Variants in CCDC50 observed in about 807,000 individuals in gnomAD.
The protein encoded by CCDC50 is coiled-coil domain containing 50.
A neutral mutation model predicts 70.2 loss-of-function variants in CCDC50; 54 were observed. The observed-to-expected ratio is 0.77, with a 90% CI of 0.62 to 0.96. The LOEUF is 0.96. Ranked by LOEUF, CCDC50 falls within the 50% of genes least tolerant of loss-of-function variation. The pLI is 0.00. For missense variants in CCDC50, 558 were observed against 578.7 expected (o/e 0.96, Z 0.37); for synonymous variants, 216 against 198.8 (o/e 1.09, Z -0.73).
At chr3:191,357,941 T>C in intron 2 of CCDC50, 57 bp from the exon 3 acceptor site, 1 of 1,610,058 alleles carries the variant, frequency 6.2e-7, no homozygotes, top group Admixed American at 1.7e-5. Context: ...TATTATGGCA[T>C]TTATTACTAA....
chr3:191,380,466 A>G (rs144168471), intron 7 of CCDC50, among the ~76,000 whole-genome samples, 192 bp downstream of exon 7: 1 of 151,954 alleles, frequency 6.6e-6, no homozygotes, highest in East Asian at 1.9e-4. Context: ...AAAGTCCATA[A>G]CTCCATTTCT....
At chr3:191,335,129 A>T (rs1252039471) in intron 1 of CCDC50, among the ~76,000 whole-genome samples, 2 of 152,170 alleles carry the variant, frequency 1.3e-5, no homozygotes, top group African/African-American at 4.8e-5. Flanking sequence ...TTTTGTTGAG[A>T]TAAATAAATT....
At chr3:191,384,332 A>G (rs1440045771) in intron 10 of CCDC50, among the ~76,000 whole-genome samples, 1 of 152,170 alleles carries the variant, frequency 6.6e-6, no homozygotes, top group Admixed American at 6.5e-5. Context: ...GTATTTTCAT[A>G]GTTAAAAGAT....
intron 1 of CCDC50, among the ~76,000 whole-genome samples, chr3:191,354,750 A>G (rs1712222016): frequency 6.6e-6 from 1 of 152,030 alleles, no homozygotes; most frequent in Non-Finnish European, 1.5e-5. Context: ...GTCCCTTCGT[A>G]TTTGTGGGGT....
chr3:191,349,966 A>ACCCCCCCCCC (rs11454979), intron 1 of CCDC50, among the ~76,000 whole-genome samples: 30 of 105,608 alleles, frequency 2.8e-4, no homozygotes, highest in Non-Finnish European at 4.5e-4. Context: ...ATTTAATAAT[A>ACCCCCCCCCC]CCCCCCCCCT....
intron 1 of CCDC50, among the ~76,000 whole-genome samples, chr3:191,346,117 G>T (rs984616162): frequency 5.3e-5 from 8 of 152,126 alleles, no homozygotes; most frequent in African/African-American, 1.9e-4. Context: ...GGGACCATAT[G>T]TGGGCTTTAC....
chr3:191,335,196 A>C (rs1418011737), intron 1 of CCDC50, among the ~76,000 whole-genome samples: 1 of 152,200 alleles, frequency 6.6e-6, no homozygotes, highest in East Asian at 1.9e-4. Flanking sequence ...AGTTATGGAG[A>C]CCACTAAACT....
chr3:191,342,188 A>G (rs1463512659), intron 1 of CCDC50, among the ~76,000 whole-genome samples: 3 of 152,240 alleles, frequency 2.0e-5, no homozygotes. Context: ...CAAGATTTCC[A>G]GAAATGTGTG....
chr3:191,395,565 A>G lies in CCDC50; in HGVS notation c.*3805A>G, dbSNP rs1713835397. Reference sequence around the variant, plus strand: ...TTGGCTGTAAAATCTTCACCCTAATAAAGGAGTGAGATCTCTGTGTAAACA... The same window carrying G: ...TTGGCTGTAAAATCTTCACCCTAATGAAGGAGTGAGATCTCTGTGTAAACA... On this transcript the variant is annotated 3_prime_UTR_variant, in exon 12 of 12. Coordinates refer to ENST00000392455, the MANE Select transcript of CCDC50 (RefSeq NM_178335.3). 1 of 152,142 alleles carries G rather than the reference A, an allele frequency of 6.6e-6. No individual in the cohort carries two copies. Among genetic ancestry groups the G allele is most frequent in the Admixed American group, 6.6e-5 (1 of 15,264 alleles). 9.4% of individuals were successfully genotyped at this position (152,142 alleles called of 1,614,324 possible).
Position 191,397,012 on chromosome 3 carries a change from G to A in CCDC50, c.*5252G>A, listed in dbSNP as rs1713883022. Reference sequence around the variant, plus strand: ...GTTAACTTCATAGCATAGAGAACCAGCACTGTGCAGGTTTCAGCATTTCAG... The same window carrying A: ...GTTAACTTCATAGCATAGAGAACCAACACTGTGCAGGTTTCAGCATTTCAG... On this transcript the variant is annotated 3_prime_UTR_variant, in exon 12 of 12. Coordinates refer to ENST00000392455, the MANE Select transcript of CCDC50 (RefSeq NM_178335.3). 1 of 152,184 alleles carries A rather than the reference G, an allele frequency of 6.6e-6. No individual in the cohort carries two copies. The highest frequency in any genetic ancestry group is 2.4e-5 in the African/African-American group (1 of 41,452). 9.4% of individuals were successfully genotyped at this position (152,184 alleles called of 1,614,324 possible).
intron 1 of CCDC50, among the ~76,000 whole-genome samples, chr3:191,340,094 A>G (rs148022758): frequency 9.2e-5 from 14 of 152,364 alleles, no homozygotes; most frequent in African/African-American, 3.4e-4. Flanking sequence ...TAAATCAACT[A>G]CATTTCATTC....
At chr3:191,337,643 T>C (rs1290933855) in intron 1 of CCDC50, among the ~76,000 whole-genome samples, 1 of 151,956 alleles carries the variant, frequency 6.6e-6, no homozygotes, top group Admixed American at 6.6e-5. Context: ...GCACCCAGCC[T>C]CTTTTTTTAA....
intron 3 of CCDC50, 94 bp from the exon 4 acceptor site, chr3:191,360,975 C>T (rs1226755673): frequency 1.2e-6 from 1 of 833,646 alleles, no homozygotes; most frequent in East Asian, 2.8e-5. Context: ...ATGTACTTCT[C>T]ATATAGTGAG....
rs1713114203 is a variant in CCDC50 at position 191,376,387 on chromosome 3, TTTC to T, written c.976+800_976+802del. Among the ~76,000 whole-genome samples, 5 of 152,262 alleles carry T rather than the reference TTTC, an allele frequency of 3.3e-5. No individual in the cohort carries two copies. The South Asian group carries it at 1.0e-3, about 32-fold the overall frequency. On this transcript the variant is annotated intron_variant, in intron 6 of 11. Coordinates refer to ENST00000392455, the MANE Select transcript of CCDC50 (RefSeq NM_178335.3). Reference sequence around the variant, plus strand: ...GTAAATATTATAGATAAACCTCAAATTTCTGGCACCCCTGAGGCTTAACTCTGA... The same window carrying T: ...GTAAATATTATAGATAAACCTCAAATTGGCACCCCTGAGGCTTAACTCTGA...
chr3:191,397,634 G>C lies in CCDC50; in HGVS notation c.*5874G>C, dbSNP rs1383844183. 6.6e-6 allele frequency: 1 copy of C among 152,148 alleles called. No individual in the cohort carries two copies. The highest frequency in any genetic ancestry group is 1.5e-5 in the Non-Finnish European group (1 of 68,032). The allele number at this position is 152,148 out of a possible 1,614,324, so 9.4% of individuals were successfully genotyped here. A position where few individuals can be genotyped will look rare whatever the true frequency, so the allele number is the denominator to read the frequency against. ...AAATCAAGTTGCCCAGGAAACCTGA[G>C]GTGATGCTATCATTTGTCTCATAAT... On this transcript the variant is annotated 3_prime_UTR_variant, in exon 12 of 12. Transcript: ENST00000392455.
intron 3 of CCDC50, among the ~76,000 whole-genome samples, chr3:191,358,421 A>G (rs1166344315): frequency 6.6e-6 from 1 of 152,186 alleles, no homozygotes; most frequent in Non-Finnish European, 1.5e-5. Context: ...TACCCATAAC[A>G]TGCGGATAAT....
chr3:191,358,867 A>G (rs1313149979), intron 3 of CCDC50, among the ~76,000 whole-genome samples: 1 of 152,196 alleles, frequency 6.6e-6, no homozygotes, highest in African/African-American at 2.4e-5. Context: ...GGAACCCCTT[A>G]ATTTACTTCA....
intron 3 of CCDC50, 78 bp from the exon 4 acceptor site, chr3:191,360,991 A>G (rs931090516): frequency 5.0e-6 from 5 of 991,546 alleles, no homozygotes; most frequent in African/African-American, 1.6e-5. Flanking sequence ...GTGAGTATTC[A>G]ATAAATTGTA....
intron 1 of CCDC50, among the ~76,000 whole-genome samples, chr3:191,349,407 C>A (rs1712031705): frequency 7.0e-6 from 1 of 141,926 alleles, no homozygotes; most frequent in African/African-American, 2.5e-5. Context: ...TGAACAATAT[C>A]TTCTCTTCCC....
Sources: gnomAD v4.1 joint callset for allele counts (sites outside exome capture counted in the v4.1 genomes callset) on GRCh38, gnomAD v4.1.1 for gene constraint, MANE v1.5 for transcripts, NCBI Gene and HGNC (gene_info 2026-07-23, HGNC 2026-07-21) for gene names.